Variants in FNDC7 observed in about 807,000 individuals in gnomAD.
The protein encoded by FNDC7 is fibronectin type III domain containing 7, also known as fibronectin type III domain-containing protein 7.
FNDC7 carries 66 observed loss-of-function variants against 74.2 expected under a neutral mutation model. The observed-to-expected ratio is 0.89, with a 90% CI of 0.73 to 1.09. FNDC7 has a LOEUF of 1.09. Among genes scored for constraint, FNDC7 ranks in the 50% least tolerant of loss-of-function variants. The pLI is 0.00. For missense variants in FNDC7, 829 were observed against 893.4 expected, an observed-to-expected ratio of 0.93 and a Z score of 0.92; for synonymous variants, 307 against 330.2, an observed-to-expected ratio of 0.93 and a Z score of 0.76.
chr1:108,717,365 G>C (rs574184632), intron 2 of FNDC7, among the ~76,000 whole-genome samples: 2 of 152,324 alleles, frequency 1.3e-5, no homozygotes, highest in African/African-American at 4.8e-5. Flanking sequence ...GGGACCAGGA[G>C]GGGAGATCAA....
At chr1:108,718,171 G>T in intron 3 of FNDC7, 140 bp downstream of exon 3, 1 of 1,170,940 alleles carries the variant, frequency 8.5e-7, no homozygotes, top group Non-Finnish European at 1.2e-6. Flanking sequence ...GCTACCAAAT[G>T]ATGCTGTTTG....
At chr1:108,724,224 A>T (rs1417055926) in intron 5 of FNDC7, among the ~76,000 whole-genome samples, 2 of 152,220 alleles carry the variant, frequency 1.3e-5, no homozygotes, top group East Asian at 3.9e-4. Context: ...GAAACAGTCA[A>T]TATTAATCAA....
intron 10 of FNDC7, among the ~76,000 whole-genome samples, chr1:108,735,737 C>T (rs1426811138): frequency 6.6e-6 from 1 of 152,070 alleles, no homozygotes; most frequent in Non-Finnish European, 1.5e-5. Context: ...TTCAAACTAG[C>T]CATATGTTCA....
chr1:108,727,547 AGG>A (rs1193875963), intron 6 of FNDC7, among the ~76,000 whole-genome samples: 3 of 152,082 alleles, frequency 2.0e-5, no homozygotes, highest in Non-Finnish European at 4.4e-5. Context: ...GGGGGAATTG[AGG>A]AGTCTGGTGT....
At chr1:108,717,651 A>G in intron 2 of FNDC7, 126 bp from the exon 3 acceptor site, 1 of 1,016,454 alleles carries the variant, frequency 9.8e-7, no homozygotes, top group Non-Finnish European at 1.4e-6. Flanking sequence ...CCTTGATCTG[A>G]ATAATAAGGG....
At chr1:108,733,797 C>T (rs184261168) in intron 10 of FNDC7, among the ~76,000 whole-genome samples, 1 of 151,874 alleles carries the variant, frequency 6.6e-6, no homozygotes, top group Non-Finnish European at 1.5e-5. Context: ...ATTACAGGCA[C>T]CTGGCATCAT....
At chr1:108,716,321 GTGTGTGTGTGTGTGTGTGTGTGTGTGTGT>G (rs1660973902) in intron 2 of FNDC7, among the ~76,000 whole-genome samples, 2 of 92,816 alleles carry the variant, frequency 2.2e-5, no homozygotes, top group African/African-American at 1.2e-4. Context: ...CAGAAGAGAG[GTGTGTGTGTGTGTGTGTGTGTGTGTGTGT>G]GTGTGTGTGT....
In FNDC7 at chr1:108,714,053, G is replaced by C. The variant is rs187228523; in HGVS notation, c.82+524G>C. Among the ~76,000 whole-genome samples the C allele has an allele frequency of 6.6e-4, 101 of 152,188 alleles. 1 individual carries two copies. In the East Asian group the frequency reaches 0.019, roughly 28 times the overall value. ...AGGGGACCCTCTTTTAAAAATAGTT[G>C]ATCTCCATCTTTCTTGAGTAGATAA... On this transcript the variant is annotated intron_variant, in intron 2 of 12. Coordinates refer to ENST00000370017, the MANE Select transcript of FNDC7 (RefSeq NM_001144937.3).
At position 108,727,950 on chromosome 1, in the gene FNDC7, T is replaced by A; in HGVS notation, c.1254T>A (p.Thr418=). The change falls in exon 7 of 13, where the codon ACT becomes ACA. Residue 418 remains threonine, a synonymous_variant. Transcript: ENST00000370017. ...ACATGGTTGAGTGCAATGACACTAC[T>A]CCTGCGTGCACCCTTTCGGCTCTAG... is the stretch of plus-strand genomic sequence containing the variant. ...GYNMVECNDT[T]PACTLSALEC... 6.2e-7 allele frequency: 1 copy of A among 1,614,154 alleles called. No homozygotes were observed. Among genetic ancestry groups the A allele is most frequent in the Non-Finnish European group, 8.5e-7 (1 of 1,180,026 alleles).
Position 108,733,446 on chromosome 1 carries a change from C to T in FNDC7, c.2054C>T (p.Pro685Leu), listed in dbSNP as rs1277017. ...GLSFCDVTEI[P>L]CGDVYTVMVS... is the part of the protein sequence containing the mutation. ...AGTTTCTGTGATGTCACTGAGATAC[C>T]CTGTGGGGATGTATACACTGTGATG... The change falls in exon 10 of 13, where the codon CCC becomes CTC. Residue 685 changes from proline (P) to leucine (L), a missense_variant. Coordinates refer to ENST00000370017, the MANE Select transcript of FNDC7 (RefSeq NM_001144937.3). 4.6e-3 allele frequency: 7,429 copies of T among 1,613,942 alleles called. 301 individuals carry two copies. In the African/African-American group the frequency reaches 0.085, roughly 18 times the overall value.
intron 10 of FNDC7, 35 bp downstream of exon 10, chr1:108,733,567 C>G (rs1481207107): frequency 1.0e-5 from 16 of 1,591,946 alleles, no homozygotes; most frequent in Non-Finnish European, 1.4e-5. Flanking sequence ...CTAAAACTAA[C>G]CCTGAACTCA....
chr1:108,728,735 C>T lies in FNDC7; in HGVS notation c.1473C>T (p.Ala491=). 1 of 1,614,236 alleles carries T rather than the reference C, an allele frequency of 6.2e-7. No homozygotes were observed. Among genetic ancestry groups the T allele is most frequent in the East Asian group, 2.2e-5 (1 of 44,886 alleles). ...TNDDATYTVT[A]QGEKGLYQCS... is the part of the protein sequence containing the mutation. ...ATGATGCTACTTACACGGTGACTGCCCAAGGGGAGAAAGGACTGTATCAGT... is the reference window on the plus strand; with the variant it reads ...ATGATGCTACTTACACGGTGACTGCTCAAGGGGAGAAAGGACTGTATCAGT... The change falls in exon 8 of 13, where the codon GCC becomes GCT. Residue 491 remains alanine (A), a synonymous_variant. Coordinates refer to ENST00000370017, the MANE Select transcript of FNDC7 (RefSeq NM_001144937.3).
chr1:108,733,568 C>T, intron 10 of FNDC7, 36 bp downstream of exon 10: 1 of 1,590,388 alleles, frequency 6.3e-7, no homozygotes, highest in Non-Finnish European at 8.6e-7. Flanking sequence ...TAAAACTAAC[C>T]CTGAACTCAT....
chr1:108,726,580 T>C (rs2101083023), intron 6 of FNDC7, among the ~76,000 whole-genome samples: 1 of 152,334 alleles, frequency 6.6e-6, no homozygotes, highest in South Asian at 2.1e-4. Context: ...GCACATATTT[T>C]TATTATTAGC....
chr1:108,718,166 C>A, intron 3 of FNDC7, 135 bp downstream of exon 3: 3 of 1,178,430 alleles, frequency 2.5e-6, no homozygotes, highest in Non-Finnish European at 3.6e-6. Context: ...TGAAAGCTAC[C>A]AAATGATGCT....
At chr1:108,728,195 A>ATT in intron 7 of FNDC7, 130 bp downstream of exon 7, 1 of 1,180,122 alleles carries the variant, frequency 8.5e-7, no homozygotes, top group Non-Finnish European at 1.2e-6. Flanking sequence ...GGAGACCAAG[A>ATT]GAGCCCCCGT....
chr1:108,738,301 G>C (rs920075086), intron 11 of FNDC7, among the ~76,000 whole-genome samples: 1 of 152,150 alleles, frequency 6.6e-6, no homozygotes, highest in Non-Finnish European at 1.5e-5. Flanking sequence ...CTGCCTCCTT[G>C]GTTTTGCTCA....
At position 108,741,754 on chromosome 1, in the gene FNDC7, C is replaced by T. The variant is rs373941035; in HGVS notation, c.2171-19C>T. The T allele has an allele frequency of 1.9e-6, 3 of 1,612,958 alleles. No homozygotes were observed. Among genetic ancestry groups the T allele is most frequent in the Non-Finnish European group, 1.7e-6 (2 of 1,179,596 alleles). On this transcript the variant is annotated intron_variant, in intron 11 of 12. Transcript: ENST00000370017. ...TATTGAATGCATCTTTTACTGCTTC[C>T]CTTCCTTACCCTTTTCAGTGATTTA...
intron 9 of FNDC7, 112 bp from the exon 10 acceptor site, chr1:108,733,160 C>A: frequency 1.5e-6 from 2 of 1,309,348 alleles, no homozygotes; most frequent in Non-Finnish European, 2.1e-6. Flanking sequence ...AGTAATTAAT[C>A]CTGTTACTTA....
Sources: gnomAD v4.1 joint callset for allele counts (sites outside exome capture counted in the v4.1 genomes callset) on GRCh38, gnomAD v4.1.1 for gene constraint, MANE v1.5 for transcripts, NCBI Gene and HGNC (gene_info 2026-07-23, HGNC 2026-07-21) for gene names.